The following AKNAD1 variants were observed in gnomAD, a reference collection of about 807,000 sequenced individuals.
AKNAD1 encodes the protein AKNA domain containing 1, also known as protein AKNAD1.
In AKNAD1, 67 loss-of-function variants were observed where a neutral mutation model predicts 90.8. The observed-to-expected ratio is 0.74, with a 90% confidence interval of 0.61 to 0.90. The LOEUF is 0.90. AKNAD1 is among the 40% of genes least tolerant of loss of function. AKNAD1 has a pLI of 0.00. For missense variants in AKNAD1, 957 were observed against 975.4 expected (o/e 0.98, Z 0.25); for synonymous variants, 327 against 341.4 (o/e 0.96, Z 0.46).
chr1:108,830,002 T>C (rs1176645671), intron 10 of AKNAD1, among the ~76,000 whole-genome samples: 2 of 152,182 alleles, frequency 1.3e-5, no homozygotes, highest in African/African-American at 4.8e-5. Flanking sequence ...CTCTGGAAGA[T>C]TTCGTCCTTA....
chr1:108,830,578 A>G lies in AKNAD1; in HGVS notation c.1819T>C (p.Cys607Arg). 1.2e-6 allele frequency: 2 copies of G among 1,614,124 alleles called. No individual in the cohort carries two copies. Among genetic ancestry groups the G allele is most frequent in the Non-Finnish European group, 1.7e-6 (2 of 1,180,032 alleles). ...CCTCACCATTCAAGGAGCCTGCGAC[A>G]GAAGGCACAGCTCGGACTGGGTGCC... The part of the protein sequence containing the change: ...MTAPSPSCAF[C>R]RRLLEWKQNV... Residue 607 changes from cysteine to arginine, a missense_variant, in exon 10 of 16, where the codon TGT becomes CGT. Coordinates refer to ENST00000370001, the MANE Select transcript of AKNAD1 (RefSeq NM_152763.5).
In AKNAD1 at chr1:108,835,031, G is replaced by A. The variant is rs1346565298; in HGVS notation, c.1562C>T (p.Pro521Leu). 1.3e-6 allele frequency: 2 copies of A among 1,572,740 alleles called. No homozygotes were observed. The highest frequency in any genetic ancestry group is 1.4e-5 in the African/African-American group (1 of 71,368). ...NEIPKEHPGH[P>L]SGPRGSGGSE... is the part of the protein sequence containing the mutation. Reference sequence around the variant, plus strand: ...CCCACCTGAGCCTCGAGGCCCAGAAGGGTGGCCGGGGTGCTCCTTGGGAAT... The same window carrying A: ...CCCACCTGAGCCTCGAGGCCCAGAAAGGTGGCCGGGGTGCTCCTTGGGAAT... The change falls in exon 8 of 16, where the codon CCT (proline) becomes CTT (leucine). Residue 521 changes from proline to leucine, a missense_variant. Physicochemically the swap from Pro to Leu is moderately conservative, Grantham distance 98 (BLOSUM62 -3). Transcript: ENST00000370001.
chr1:108,844,416 G>T (rs1454806501), intron 5 of AKNAD1, among the ~76,000 whole-genome samples: 1 of 150,866 alleles, frequency 6.6e-6, no homozygotes, highest in Non-Finnish European at 1.5e-5. Flanking sequence ...CAGAGCTCTG[G>T]AGTGCATATC....
At chr1:108,825,010 A>G (rs1229696399) in intron 11 of AKNAD1, among the ~76,000 whole-genome samples, 1 of 151,702 alleles carries the variant, frequency 6.6e-6, no homozygotes, top group Non-Finnish European at 1.5e-5. Context: ...CTCTTGGATC[A>G]CTTGCTCTGG....
chr1:108,827,750 C>T (rs1664053575), intron 10 of AKNAD1, among the ~76,000 whole-genome samples: 2 of 146,116 alleles, frequency 1.4e-5, no homozygotes, highest in Non-Finnish European at 1.5e-5. Flanking sequence ...GGAGGCGGAG[C>T]TTGCAGTGAG....
At chr1:108,855,469 G>A (rs550533711) in intron 1 of AKNAD1, among the ~76,000 whole-genome samples, 4 of 147,550 alleles carry the variant, frequency 2.7e-5, no homozygotes, top group Non-Finnish European at 6.0e-5. Flanking sequence ...AACTCAATCT[G>A]TAAATAAATA....
rs1346707861 is a variant in AKNAD1, at chr1:108,821,442, C to A, written c.2168-816G>T. Among the ~76,000 whole-genome samples, 10 of 147,088 alleles carry A rather than the reference C, an allele frequency of 6.8e-5. No individual in the cohort carries two copies. In the East Asian group the frequency reaches 2.3e-3, roughly 34 times the overall value. ...CTCCAGCCTGGGTGACAGAGTGAGA[C>A]TCTGTCTCAAAAAACAAAACAACAA... On this transcript the variant is annotated intron_variant, in intron 13 of 15. Coordinates refer to ENST00000370001, the MANE Select transcript of AKNAD1 (RefSeq NM_152763.5).
chr1:108,842,998 T>C, intron 6 of AKNAD1, 136 bp downstream of exon 6: 2 of 1,117,386 alleles, frequency 1.8e-6, no homozygotes, highest in Admixed American at 4.3e-5. Context: ...GGTGACACTT[T>C]GTTCATTGGT....
chr1:108,850,449 C>T (rs926326838), intron 2 of AKNAD1, among the ~76,000 whole-genome samples: 1 of 152,076 alleles, frequency 6.6e-6, no homozygotes, highest in African/African-American at 2.4e-5. Context: ...CTCCTGCAAG[C>T]AGAACAAGGA....
Position 108,849,528 on chromosome 1 carries a change from CATT to C in AKNAD1, c.1033+6_1033+8del, listed in dbSNP as rs745521602. ...TATATATCTCAAAGAAGTTTTAAAA[CATT>C]AGTACCTGTGAGAAGTTCTTGGTGG... is the stretch of plus-strand genomic sequence containing the variant. On this transcript the variant is annotated splice_donor_region_variant and intron_variant, in intron 3 of 15. Transcript: ENST00000370001. 1.0e-4 allele frequency: 159 copies of C among 1,547,442 alleles called. No individual in the cohort carries two copies. In the African/African-American group the frequency reaches 2.0e-3, roughly 19 times the overall value.
chr1:108,818,335 G>A (rs1663693606), intron 14 of AKNAD1, among the ~76,000 whole-genome samples: 1 of 152,068 alleles, frequency 6.6e-6, no homozygotes, highest in African/African-American at 2.4e-5. Flanking sequence ...GCATCAATTG[G>A]TTCTGCAAGT....
Position 108,837,577 on chromosome 1 carries a change from G to C in AKNAD1, c.1509C>G (p.Ala503=). 1 of 1,614,090 alleles carries C rather than the reference G, an allele frequency of 6.2e-7. No individual in the cohort carries two copies. The highest frequency in any genetic ancestry group is 8.5e-7 in the Non-Finnish European group (1 of 1,179,998). ...VSSPVTLDDL[A]STFSSLSNEI... ...CATTTGAGAGTGAAGAGAAGGTGGA[G>C]GCCAAGTCATCCAGGGTAACTGGAG... Residue 503 remains alanine (A), a synonymous_variant, in exon 7 of 16, where the codon GCC becomes GCG. Coordinates refer to ENST00000370001, the MANE Select transcript of AKNAD1 (RefSeq NM_152763.5).
At chr1:108,843,494 A>G (rs950423966) in intron 5 of AKNAD1, among the ~76,000 whole-genome samples, 2 of 152,102 alleles carry the variant, frequency 1.3e-5, no homozygotes, top group African/African-American at 4.8e-5. Context: ...CAAAAGTACA[A>G]TTACTTCTGA....
chr1:108,853,136 C>CTTTTTTTTTTTTTTTTTTT (rs889504364), intron 1 of AKNAD1, among the ~76,000 whole-genome samples: 1 of 133,546 alleles, frequency 7.5e-6, no homozygotes, highest in Admixed American at 7.5e-5. Flanking sequence ...TTTCTTTTTT[C>CTTTTTTTTTTTTTTTTTTT]TTTTTTTTTT....
At chr1:108,829,120 T>G (rs1664104805) in intron 10 of AKNAD1, among the ~76,000 whole-genome samples, 2 of 151,908 alleles carry the variant, frequency 1.3e-5, no homozygotes, top group Non-Finnish European at 2.9e-5. Flanking sequence ...AGAAAGAATA[T>G]ATAGTCCTCC....
chr1:108,820,560 T>C lies in AKNAD1; in HGVS notation c.2234A>G (p.Glu745Gly). The C allele has an allele frequency of 6.2e-7, 1 of 1,606,540 alleles. No homozygotes were observed. The highest frequency in any genetic ancestry group is 1.7e-5 in the Admixed American group (1 of 59,860). Residue 745 changes from glutamate (E) to glycine (G), a missense_variant, in exon 14 of 16, where the codon GAG becomes GGG. Transcript: ENST00000370001. Reference protein sequence around the residue: ...VNSKSFKGEHEPTPGKKKLQA... With the variant: ...VNSKSFKGEHGPTPGKKKLQA... ...TAATACTTACTTTCCTGGTGTGGGCTCATGTTCACCTTTAAAGGATTTTGA... is the reference window on the plus strand; with the variant it reads ...TAATACTTACTTTCCTGGTGTGGGCCCATGTTCACCTTTAAAGGATTTTGA...
chr1:108,856,959 A>T lies in AKNAD1; in HGVS notation c.-134T>A, dbSNP rs1482033004. The T allele has an allele frequency of 6.6e-6, 1 of 152,252 alleles. No homozygotes were observed. Among genetic ancestry groups the T allele is most frequent in the Non-Finnish European group, 1.5e-5 (1 of 68,060 alleles). The allele number at this position is 152,252 out of a possible 1,614,324, so 9.4% of individuals were successfully genotyped here. On this transcript the variant is annotated 5_prime_UTR_variant, in exon 1 of 16. The change creates a premature stop within an existing upstream ORF in the 5' untranslated region. Coordinates refer to ENST00000370001, the MANE Select transcript of AKNAD1 (RefSeq NM_152763.5). Reference sequence around the variant, plus strand: ...GCAAGGTAATGAGCTTCTTTGAGATAACTGGAGGAACTGGAGCATCTTCCC... The same window carrying T: ...GCAAGGTAATGAGCTTCTTTGAGATTACTGGAGGAACTGGAGCATCTTCCC...
At position 108,849,038 on chromosome 1, in the gene AKNAD1, G is replaced by A. The variant is rs1360366358; in HGVS notation, c.1056C>T (p.Leu352=). The A allele has an allele frequency of 6.2e-7, 1 of 1,604,278 alleles. No individual in the cohort carries two copies. Among genetic ancestry groups the A allele is most frequent in the Non-Finnish European group, 8.5e-7 (1 of 1,177,584 alleles). ...LLTGIESEAS[L]SKLSPTSQKG... is the part of the protein sequence containing the mutation. The stretch of plus-strand genomic sequence containing the variant: ...TCTGAGAGGTTGGTGACAACTTAGA[G>A]AGACTTGCCTCAGATTCTATTCCTA... Residue 352 remains leucine (L), a synonymous_variant, in exon 4 of 16, where the codon CTC becomes CTT. Coordinates refer to ENST00000370001, the MANE Select transcript of AKNAD1 (RefSeq NM_152763.5).
chr1:108,842,981 G>T (rs899141663), intron 6 of AKNAD1, among the ~76,000 whole-genome samples, 153 bp downstream of exon 6: 4 of 152,122 alleles, frequency 2.6e-5, no homozygotes, highest in Non-Finnish European at 5.9e-5. Context: ...TGCTGTCTGT[G>T]GTATTAGGTG....
Sources: gnomAD v4.1 joint callset for allele counts (sites outside exome capture counted in the v4.1 genomes callset) on GRCh38, gnomAD v4.1.1 for gene constraint, MANE v1.5 for transcripts, NCBI Gene and HGNC (gene_info 2026-07-23, HGNC 2026-07-21) for gene names.